The following CDH18 variants were observed in gnomAD, a reference collection of about 807,000 sequenced individuals.
The protein encoded by CDH18 is cadherin-18.
In CDH18, 31 loss-of-function variants were observed where a neutral mutation model predicts 67.9. The observed-to-expected ratio is 0.46, with a 90% CI of 0.34 to 0.62. The LOEUF is 0.62. Among genes scored for constraint, CDH18 ranks in the 20% least tolerant of loss-of-function variants. CDH18 has a pLI of 0.01. For missense variants in CDH18, 890 were observed against 975.5 expected (o/e 0.91, Z 1.17); for synonymous variants, 362 against 347.2 (o/e 1.04, Z -0.48).
chr5:20,011,251 G>A (rs921508531), intron 2 of CDH18, among the ~76,000 whole-genome samples: 5 of 151,986 alleles, frequency 3.3e-5, no homozygotes, highest in Non-Finnish European at 7.4e-5. Flanking sequence ...GATTTGTCTC[G>A]TTTTGACTGT....
chr5:20,325,282 T>C (rs1423987546), intron 1 of CDH18, among the ~76,000 whole-genome samples: 10 of 152,216 alleles, frequency 6.6e-5, no homozygotes, highest in Non-Finnish European at 1.5e-4. Context: ...TTCCATCCTC[T>C]TAGCTTCTGT....
At chr5:20,400,645 C>T (rs1306327411) in intron 1 of CDH18, among the ~76,000 whole-genome samples, 1 of 150,276 alleles carries the variant, frequency 6.7e-6, no homozygotes, top group Admixed American at 6.6e-5. Context: ...GCCTGTAATC[C>T]CAGCTGCTCA....
intron 2 of CDH18, among the ~76,000 whole-genome samples, chr5:20,202,757 C>T (rs1279461715): frequency 1.3e-5 from 2 of 151,786 alleles, no homozygotes; most frequent in South Asian, 4.2e-4. Context: ...TAATATTTTA[C>T]TTTAATGTAC....
At chr5:19,612,686 G>T in intron 5 of CDH18, 85 bp from the exon 6 acceptor site, 1 of 1,035,556 alleles carries the variant, frequency 9.7e-7, no homozygotes. Context: ...TTTAAGAAAT[G>T]TCTTTTAAAA....
chr5:20,300,758 C>A (rs540168773), intron 1 of CDH18, among the ~76,000 whole-genome samples: 1 of 152,224 alleles, frequency 6.6e-6, no homozygotes, highest in African/African-American at 2.4e-5. Context: ...TCCTAACACC[C>A]AATAGTCCTA....
intron 2 of CDH18, among the ~76,000 whole-genome samples, chr5:20,204,771 T>C (rs1739745168): frequency 6.6e-6 from 1 of 151,868 alleles, no homozygotes; most frequent in Non-Finnish European, 1.5e-5. Context: ...AGCTGAAGTG[T>C]AAAGGGTTTT....
At position 20,156,919 on chromosome 5, in the gene CDH18, T is replaced by C. The variant is rs572618629; in HGVS notation, c.-518+98525A>G. Among the ~76,000 whole-genome samples the C allele has an allele frequency of 2.0e-5, 3 of 152,326 alleles. No individual in the cohort carries two copies. In the East Asian group the frequency reaches 5.8e-4, roughly 29 times the overall value. ...AATACATCTAACTTACATTCTGATA[T>C]AGTAGTCCCCCCTTATCCATGATGG... On this transcript the variant is annotated intron_variant, in intron 2 of 14. Coordinates refer to the CDH18 transcript ENST00000507958.
intron 9 of CDH18, among the ~76,000 whole-genome samples, chr5:19,530,430 T>A (rs1306320929): frequency 1.3e-5 from 2 of 152,162 alleles, no homozygotes; most frequent in Admixed American, 6.5e-5. Context: ...TAATTTTCTT[T>A]TTTTATTTTA....
intron 7 of CDH18, among the ~76,000 whole-genome samples, chr5:19,586,763 A>T (rs1188107405): frequency 3.9e-5 from 6 of 152,162 alleles, no homozygotes; most frequent in African/African-American, 1.4e-4. Context: ...TTCTGCCTCT[A>T]GGTCTTTGAG....
intron 2 of CDH18, among the ~76,000 whole-genome samples, chr5:19,886,895 G>A (rs547599098): frequency 1.1e-4 from 16 of 152,052 alleles, no homozygotes; most frequent in African/African-American, 2.9e-4. Flanking sequence ...TGTGTGTGTC[G>A]GATGTATCCA....
At chr5:20,207,333 A>G (rs1453875270) in intron 2 of CDH18, among the ~76,000 whole-genome samples, 1 of 152,058 alleles carries the variant, frequency 6.6e-6, no homozygotes, top group Non-Finnish European at 1.5e-5. Context: ...AGAAATTGAA[A>G]AGAACATTAA....
chr5:20,303,198 A>G (rs1482734568), intron 1 of CDH18, among the ~76,000 whole-genome samples: 3 of 152,134 alleles, frequency 2.0e-5, no homozygotes, highest in Admixed American at 1.3e-4. Context: ...ACAAATGTCT[A>G]TGAGCATCTT....
rs550148383 is a variant in CDH18 at position 19,796,332 on chromosome 5, G to A, written c.228+42427C>T. Among the ~76,000 whole-genome samples, 3 of 152,162 alleles carry A rather than the reference G, an allele frequency of 2.0e-5. No homozygotes were observed. In the South Asian group the frequency reaches 6.2e-4, roughly 32 times the overall value. ...AGAACATTTTTTGAAAGCAGCCAGA[G>A]TAAAGTGATGCATTACCTGAAAGGA... is the stretch of plus-strand genomic sequence containing the variant. On this transcript the variant is annotated intron_variant, in intron 3 of 12. Coordinates refer to ENST00000382275, the MANE Select transcript of CDH18 (RefSeq NM_004934.5).
At chr5:19,735,928 C>T (rs569713133) in intron 4 of CDH18, among the ~76,000 whole-genome samples, 1 of 152,136 alleles carries the variant, frequency 6.6e-6, no homozygotes, top group South Asian at 2.1e-4. Flanking sequence ...TGGATATCTA[C>T]ATGACAATTA....
At chr5:19,477,473 A>G (rs1738680014) in intron 12 of CDH18, among the ~76,000 whole-genome samples, 1 of 152,122 alleles carries the variant, frequency 6.6e-6, no homozygotes, top group African/African-American at 2.4e-5. Context: ...TAATAGCCTC[A>G]CTAGGAAAAT....
At chr5:20,103,800 T>C (rs1428073674) in intron 2 of CDH18, among the ~76,000 whole-genome samples, 1 of 41,826 alleles carries the variant, frequency 2.4e-5, no homozygotes. Context: ...GCTATGTACA[T>C]AGAAACCAAA....
intron 5 of CDH18, among the ~76,000 whole-genome samples, chr5:19,659,476 A>G (rs1295295254): frequency 6.6e-6 from 1 of 152,164 alleles, no homozygotes; most frequent in African/African-American, 2.4e-5. Flanking sequence ...CTGTATCTGC[A>G]GTACCAATTC....
In CDH18 at chr5:19,534,551, C is replaced by T. The variant is rs143150253; in HGVS notation, c.1390+9318G>A. On this transcript the variant is annotated intron_variant, in intron 9 of 12. Transcript: ENST00000382275. ...ATACCTGATCAAAGCAAACTCATAG[C>T]TTAATTTACCTATACACTTTACAGA... is the stretch of plus-strand genomic sequence containing the variant. Among the ~76,000 whole-genome samples, 1,254 of 152,232 alleles carry T rather than the reference C, an allele frequency of 8.2e-3. 11 individuals are homozygous for T. The highest frequency in any genetic ancestry group is 0.031 in the South Asian group (151 of 4,818).
intron 2 of CDH18, among the ~76,000 whole-genome samples, chr5:20,084,507 C>T (rs945118210): frequency 5.9e-5 from 9 of 152,150 alleles, no homozygotes; most frequent in African/African-American, 1.9e-4. Flanking sequence ...TGACCCTCTT[C>T]TCATAGCTCA....
Sources: gnomAD v4.1 joint callset for allele counts (sites outside exome capture counted in the v4.1 genomes callset) on GRCh38, gnomAD v4.1.1 for gene constraint, MANE v1.5 for transcripts, NCBI Gene and HGNC (gene_info 2026-07-23, HGNC 2026-07-21) for gene names.